Variants in LGSN observed in about 807,000 individuals in gnomAD.
The protein encoded by LGSN is lengsin, lens protein with glutamine synthetase domain, also known as lengsin.
A neutral mutation model predicts 19.5 loss-of-function variants in LGSN; 21 were observed. That is an observed-to-expected ratio of 1.07 (90% confidence interval 0.76 to 1.55). The LOEUF (loss-of-function observed/expected upper bound fraction) is 1.55, where lower values mean the gene tolerates loss of function less well. Among genes scored for constraint, LGSN ranks in the 40% most tolerant of loss-of-function variants. The pLI is 0.00. For synonymous variants in LGSN, 257 were observed against 215.6 expected (o/e 1.19, Z -1.68); for missense variants, 673 against 608.5 (o/e 1.11, Z -1.12).
chr6:63,510,325 C>T, the LGSN span, among the ~76,000 whole-genome samples: 4 of 151,892 alleles, frequency 2.6e-5, no homozygotes, highest in Non-Finnish European at 4.4e-5. Flanking sequence ...TAGACCCAAG[C>T]GATTTGCACA....
chr6:63,544,566 T>C, the LGSN span, among the ~76,000 whole-genome samples: 24 of 152,266 alleles, frequency 1.6e-4, 1 homozygote, highest in South Asian at 2.1e-3. Context: ...AATAAAAACC[T>C]GGGTCACAGA....
chr6:63,510,904 A>G, the LGSN span, among the ~76,000 whole-genome samples: 1 of 151,932 alleles, frequency 6.6e-6, no homozygotes, highest in African/African-American at 2.4e-5. Flanking sequence ...TAAACTCTTG[A>G]CCTCAGGTGA....
the LGSN span, chr6:63,549,164 C>G: frequency 1.5e-6 from 1 of 685,384 alleles, no homozygotes; most frequent in Non-Finnish European, 2.6e-6. Flanking sequence ...TGGCCAGGGC[C>G]AACAGCCTCT....
At chr6:63,381,880 T>C in the LGSN span, among the ~76,000 whole-genome samples, 13 of 152,192 alleles carry the variant, frequency 8.5e-5, no homozygotes, top group Admixed American at 8.5e-4. Context: ...CTGTCATTAG[T>C]TGAATGTCAA....
the LGSN span, among the ~76,000 whole-genome samples, chr6:63,569,319 G>A: frequency 6.6e-6 from 1 of 152,194 alleles, no homozygotes; most frequent in Non-Finnish European, 1.5e-5. Flanking sequence ...GCAGTGCCAT[G>A]ATCTCGGCTC....
chr6:63,340,680 G>C, the LGSN span, among the ~76,000 whole-genome samples: 425 of 147,958 alleles, frequency 2.9e-3, 3 homozygotes, highest in African/African-American at 0.01. Flanking sequence ...TTGTTTTTCT[G>C]ATTTCCTTGT....
the LGSN span, among the ~76,000 whole-genome samples, chr6:63,335,962 A>G: frequency 6.6e-6 from 1 of 151,388 alleles, no homozygotes; most frequent in East Asian, 1.9e-4. Context: ...TGTGCTATAC[A>G]TACACAATGG....
chr6:63,513,109 T>G, the LGSN span, among the ~76,000 whole-genome samples: 1 of 152,228 alleles, frequency 6.6e-6, no homozygotes. Context: ...TTCTTTCTTC[T>G]CTGGGTCCTT....
chr6:63,352,924 G>A, the LGSN span, among the ~76,000 whole-genome samples: 2 of 151,878 alleles, frequency 1.3e-5, no homozygotes, highest in African/African-American at 2.4e-5. Flanking sequence ...AGACACATCC[G>A]GTGGTCAAGA....
At chr6:63,360,882 CCCT>C in the LGSN span, among the ~76,000 whole-genome samples, 24 of 152,238 alleles carry the variant, frequency 1.6e-4, no homozygotes, top group Non-Finnish European at 3.4e-4. Context: ...ACAGTCAGCA[CCCT>C]CAGCTGCAGA....
the LGSN span, among the ~76,000 whole-genome samples, chr6:63,449,066 T>C: frequency 6.6e-6 from 1 of 152,200 alleles, no homozygotes; most frequent in Non-Finnish European, 1.5e-5. Context: ...CCATTTTATA[T>C]AAGGAACTTG....
chr6:63,337,453 G>GATAACAGAGT, the LGSN span, among the ~76,000 whole-genome samples: 1 of 151,444 alleles, frequency 6.6e-6, no homozygotes, highest in African/African-American at 2.4e-5. Flanking sequence ...CTCCAGCCTG[G>GATAACAGAGT]GAGACAAAAG....
the LGSN span, among the ~76,000 whole-genome samples, chr6:63,358,826 T>C: frequency 5.9e-5 from 9 of 152,052 alleles, no homozygotes; most frequent in South Asian, 2.1e-4. Context: ...CCCTTTATTT[T>C]TTTCTCCTGC....
chr6:63,388,328 A>G, the LGSN span, among the ~76,000 whole-genome samples: 15 of 152,274 alleles, frequency 9.9e-5, no homozygotes, highest in East Asian at 2.7e-3. Flanking sequence ...TCTTGATGAG[A>G]AAAGTGAGGT....
At chr6:63,502,033 C>T in the LGSN span, among the ~76,000 whole-genome samples, 1 of 152,120 alleles carries the variant, frequency 6.6e-6, no homozygotes, top group African/African-American at 2.4e-5. Flanking sequence ...CTCCTGGGCT[C>T]AAGTGATTTT....
At chr6:63,309,711 T>G (rs1230161020) in intron 1 of LGSN, among the ~76,000 whole-genome samples, 1 of 152,228 alleles carries the variant, frequency 6.6e-6, no homozygotes, top group Non-Finnish European at 1.5e-5. Context: ...CACTTGGTGA[T>G]GAGAACACTT....
At chr6:63,503,609 A>G in the LGSN span, among the ~76,000 whole-genome samples, 3 of 152,326 alleles carry the variant, frequency 2.0e-5, no homozygotes, top group Admixed American at 2.0e-4. Context: ...AAAGTCCACC[A>G]GGCTGAATCC....
chr6:63,318,383 C>A (rs956503062), intron 1 of LGSN, among the ~76,000 whole-genome samples: 1 of 152,166 alleles, frequency 6.6e-6, no homozygotes, highest in African/African-American at 2.4e-5. Flanking sequence ...TTCCAAACAT[C>A]TGTTAGCTGG....
At chr6:63,442,255 G>C in the LGSN span, among the ~76,000 whole-genome samples, 1 of 152,146 alleles carries the variant, frequency 6.6e-6, no homozygotes, top group African/African-American at 2.4e-5. Context: ...TCATAAAGGC[G>C]GCGTAGACCC....
Sources: gnomAD v4.1 joint callset for allele counts (sites outside exome capture counted in the v4.1 genomes callset) on GRCh38, gnomAD v4.1.1 for gene constraint, MANE v1.5 for transcripts, NCBI Gene and HGNC (gene_info 2026-07-23, HGNC 2026-07-21) for gene names.